CTNNA2: variants seen among roughly 807,000 people sequenced by gnomAD.
CTNNA2 encodes the protein catenin alpha-2.
In CTNNA2, 42 loss-of-function variants were observed where a neutral mutation model predicts 101.0. The ratio of observed to expected loss-of-function variants is 0.42; its 90% CI spans 0.32 to 0.54. CTNNA2 has a LOEUF of 0.54. Among genes scored for constraint, CTNNA2 ranks in the 20% least tolerant of loss-of-function variants. CTNNA2 has a pLI of 0.14. For synonymous variants in CTNNA2, 450 were observed against 456.4 expected (o/e 0.99, Z 0.18); for missense variants, 871 against 1,223.1 (o/e 0.71, Z 4.29).
chr2:79,277,607 G>T (rs1194027317), intron 2 of CTNNA2, among the ~76,000 whole-genome samples: 1 of 152,026 alleles, frequency 6.6e-6, no homozygotes, highest in Non-Finnish European at 1.5e-5. Flanking sequence ...AAAGTTCTAT[G>T]ACATAGGTGT....
At position 80,254,494 on chromosome 2, in the gene CTNNA2, T is replaced by C. The variant is rs1441087871; in HGVS notation, c.1057-138717T>C. On this transcript the variant is annotated intron_variant, in intron 7 of 18. Coordinates refer to ENST00000402739, the MANE Select transcript of CTNNA2 (RefSeq NM_001282597.3). ...AGCTGGTTCAGGAACTCTGCACAGG[T>C]CTGGCCCTTTGAACCACATCAGAAC... Among the ~76,000 whole-genome samples the C allele has an allele frequency of 3.3e-5, 5 of 152,292 alleles. No homozygotes were observed. In the East Asian group the frequency reaches 9.7e-4, roughly 29 times the overall value.
intron 2 of CTNNA2, among the ~76,000 whole-genome samples, chr2:79,263,311 T>C (rs1000751750): frequency 1.3e-5 from 2 of 152,130 alleles, no homozygotes; most frequent in African/African-American, 4.8e-5. Flanking sequence ...CTCACAATAA[T>C]GAATGAGTTC....
chr2:79,214,965 C>G (rs908131924), intron 2 of CTNNA2, among the ~76,000 whole-genome samples: 1 of 151,928 alleles, frequency 6.6e-6, no homozygotes, highest in African/African-American at 2.4e-5. Context: ...GAGTGGGTAG[C>G]CTCCGTATTG....
chr2:80,209,329 C>G (rs1439922235), intron 7 of CTNNA2, among the ~76,000 whole-genome samples: 1 of 151,656 alleles, frequency 6.6e-6, no homozygotes, highest in Non-Finnish European at 1.5e-5. Flanking sequence ...AGCCTCCTGA[C>G]TACCTGGGAT....
In CTNNA2 at chr2:80,134,418, A is replaced by G. The variant is rs78434713; in HGVS notation, c.1056+224621A>G. Among the ~76,000 whole-genome samples the G allele has an allele frequency of 7.5e-4, 114 of 152,294 alleles. No homozygotes were observed. The East Asian group carries it at 0.021, about 28-fold the overall frequency. On this transcript the variant is annotated intron_variant, in intron 7 of 18. Transcript: ENST00000402739. ...CAAACCCTTTGGTTGGTAAATGATCACCATAATGGATATGCAACCCGCTAA... is the reference window on the plus strand; with the variant it reads ...CAAACCCTTTGGTTGGTAAATGATCGCCATAATGGATATGCAACCCGCTAA...
chr2:79,987,282 C>A (rs890216926), intron 7 of CTNNA2, among the ~76,000 whole-genome samples: 1 of 152,148 alleles, frequency 6.6e-6, no homozygotes. Context: ...ATCACACTTC[C>A]CGTGTTCCTC....
intron 7 of CTNNA2, among the ~76,000 whole-genome samples, chr2:79,941,597 T>C (rs1041636216): frequency 6.6e-6 from 1 of 152,220 alleles, no homozygotes; most frequent in Non-Finnish European, 1.5e-5. Flanking sequence ...ACCACACGAT[T>C]GTAGAACAAA....
chr2:80,564,538 C>G (rs1237005135), intron 12 of CTNNA2, among the ~76,000 whole-genome samples: 2 of 145,418 alleles, frequency 1.4e-5, no homozygotes, highest in African/African-American at 2.5e-5. Flanking sequence ...CCCCCTCCTT[C>G]TAGGCAGTCC....
At chr2:80,639,512 G>GGTGTGTGTGTGTGT (rs1282891354) in intron 18 of CTNNA2, among the ~76,000 whole-genome samples, 1 of 76,508 alleles carries the variant, frequency 1.3e-5, no homozygotes, top group East Asian at 5.4e-4. Context: ...GCCCAGCCTT[G>GGTGTGTGTGTGTGT]ATGTGTGTGT....
intron 4 of CTNNA2, among the ~76,000 whole-genome samples, chr2:79,474,051 A>T (rs1337765096): frequency 6.6e-6 from 1 of 152,180 alleles, no homozygotes; most frequent in Non-Finnish European, 1.5e-5. Flanking sequence ...GTGTCTAGTG[A>T]CTACTTTTTT....
chr2:80,102,748 G>A (rs759416807), intron 7 of CTNNA2, among the ~76,000 whole-genome samples: 2 of 152,132 alleles, frequency 1.3e-5, no homozygotes, highest in African/African-American at 4.8e-5. Flanking sequence ...CTGACTTCAA[G>A]TGATCCGCCA....
chr2:80,503,642 T>G lies in CTNNA2; in HGVS notation c.1291-41340T>G, dbSNP rs573602391. ...CTTTAAGTTTCTGATGGGCCTTTAT[T>G]ATGGAGCTTGATTAATATTGTTTAG... On this transcript the variant is annotated intron_variant, in intron 9 of 18. Transcript: ENST00000402739. Among the ~76,000 whole-genome samples, 202 of 152,254 alleles carry G rather than the reference T, an allele frequency of 1.3e-3. 1 individual carries two copies. The highest frequency in any genetic ancestry group is 2.3e-3 in the Non-Finnish European group (159 of 68,018).
intron 1 of CTNNA2, among the ~76,000 whole-genome samples, chr2:79,570,404 A>G (rs10187064): frequency 0.08 from 12,159 of 152,176 alleles, 541 homozygotes; most frequent in Non-Finnish European, 0.098. Context: ...AATATTCTTG[A>G]TGGACCCTTT....
At chr2:79,347,283 C>T (rs750121630) in intron 3 of CTNNA2, among the ~76,000 whole-genome samples, 2 of 152,056 alleles carry the variant, frequency 1.3e-5, no homozygotes, top group Non-Finnish European at 2.9e-5. Context: ...TAGTTAAGAG[C>T]TTAAAGTCTC....
chr2:79,706,154 GGAGATC>G (rs1685346940), intron 2 of CTNNA2, among the ~76,000 whole-genome samples: 2 of 151,986 alleles, frequency 1.3e-5, no homozygotes, highest in Admixed American at 1.3e-4. Context: ...CACGAGGTCA[GGAGATC>G]GAGACCATCC....
At chr2:80,049,614 G>A (rs1446266683) in intron 7 of CTNNA2, among the ~76,000 whole-genome samples, 2 of 152,094 alleles carry the variant, frequency 1.3e-5, no homozygotes, top group Admixed American at 1.3e-4. Flanking sequence ...CTCATGGCCG[G>A]TGCTGCCTTT....
chr2:80,399,405 A>G (rs1045568852), intron 8 of CTNNA2, among the ~76,000 whole-genome samples: 8 of 152,172 alleles, frequency 5.3e-5, no homozygotes, highest in Admixed American at 5.2e-4. Context: ...ATTTATTTCT[A>G]TAAGCCAGCA....
At chr2:79,228,150 A>G (rs1256981471) in intron 2 of CTNNA2, among the ~76,000 whole-genome samples, 1 of 152,200 alleles carries the variant, frequency 6.6e-6, no homozygotes, top group Non-Finnish European at 1.5e-5. Context: ...TTATTTATCC[A>G]GTCCACTATT....
chr2:79,424,454 T>C (rs1008041844), intron 4 of CTNNA2, among the ~76,000 whole-genome samples: 1 of 152,174 alleles, frequency 6.6e-6, no homozygotes, highest in East Asian at 1.9e-4. Context: ...ATGATGCATC[T>C]TTCAGTGAAG....
Sources: gnomAD v4.1 joint callset for allele counts (sites outside exome capture counted in the v4.1 genomes callset) on GRCh38, gnomAD v4.1.1 for gene constraint, MANE v1.5 for transcripts, NCBI Gene and HGNC (gene_info 2026-07-23, HGNC 2026-07-21) for gene names.